The following MMP16 variants were observed in gnomAD, a reference collection of about 807,000 sequenced individuals.
MMP16 encodes matrix metalloproteinase-16.
MMP16 carries 12 observed loss-of-function variants against 67.8 expected under a neutral mutation model. The observed-to-expected ratio is 0.18, with a 90% CI of 0.11 to 0.29. MMP16 has a LOEUF of 0.29. Among genes scored for constraint, MMP16 ranks in the 10% least tolerant of loss-of-function variants. MMP16 has a pLI of 1.00. For synonymous variants in MMP16, 249 were observed against 255.9 expected, an observed-to-expected ratio of 0.97 and a Z score of 0.26; for missense variants, 475 against 765.7, an observed-to-expected ratio of 0.62 and a Z score of 4.48.
At chr8:88,276,839 CAA>C (rs1373451188) in intron 1 of MMP16, among the ~76,000 whole-genome samples, 1 of 151,968 alleles carries the variant, frequency 6.6e-6, no homozygotes, top group Admixed American at 6.6e-5. Context: ...GTGATTAGGT[CAA>C]GTTTCATTCT....
At chr8:88,156,476 A>T (rs182266319) in intron 4 of MMP16, among the ~76,000 whole-genome samples, 1 of 152,198 alleles carries the variant, frequency 6.6e-6, no homozygotes, top group Admixed American at 6.6e-5. Context: ...GGGTTCTGGC[A>T]ATTCTTGATT....
At chr8:88,225,985 T>C (rs1189444443) in intron 1 of MMP16, among the ~76,000 whole-genome samples, 1 of 151,958 alleles carries the variant, frequency 6.6e-6, no homozygotes, top group Non-Finnish European at 1.5e-5. Context: ...ATGTCCCCCA[T>C]TTTTATACAA....
At chr8:88,309,705 G>A (rs1811267164) in intron 1 of MMP16, among the ~76,000 whole-genome samples, 1 of 151,990 alleles carries the variant, frequency 6.6e-6, no homozygotes, top group African/African-American at 2.4e-5. Context: ...ATGTAATTCA[G>A]ATAGACAGCA....
intron 1 of MMP16, among the ~76,000 whole-genome samples, chr8:88,267,484 C>T (rs963692429): frequency 5.3e-5 from 8 of 152,204 alleles, no homozygotes; most frequent in Non-Finnish European, 1.0e-4. Flanking sequence ...TCACAGCAGA[C>T]TGTGAATTTC....
chr8:88,134,971 A>G (rs1009183587), intron 4 of MMP16, among the ~76,000 whole-genome samples: 1 of 151,598 alleles, frequency 6.6e-6, no homozygotes, highest in Non-Finnish European at 1.5e-5. Context: ...AAGCTTTTTC[A>G]TCATTAAAAA....
Position 88,112,666 on chromosome 8 carries a change from G to GGTGTGTGTGTGTGT in MMP16, c.1083+3827_1083+3840dup, listed in dbSNP as rs6150692. On this transcript the variant is annotated intron_variant, in intron 6 of 9. Transcript: ENST00000286614. The stretch of plus-strand genomic sequence containing the variant: ...AATTTTTCATGCATAAGGACAGAAG[G>GGTGTGTGTGTGTGT]GTGTGTGTGTGTGTGTGTCTGTGTG... Among the ~76,000 whole-genome samples, 1,071 of 146,900 alleles carry GGTGTGTGTGTGTGT rather than the reference G, an allele frequency of 7.3e-3. 19 individuals carry two copies. Among genetic ancestry groups the GGTGTGTGTGTGTGT allele is most frequent in the Middle Eastern group, 0.062 (18 of 292 alleles).
intron 4 of MMP16, among the ~76,000 whole-genome samples, chr8:88,134,750 T>C (rs1014723004): frequency 6.6e-6 from 1 of 151,692 alleles, no homozygotes; most frequent in Non-Finnish European, 1.5e-5. Context: ...TTATTTTTTT[T>C]CTACTACCTT....
intron 1 of MMP16, among the ~76,000 whole-genome samples, chr8:88,264,926 G>A (rs758381954): frequency 7.2e-5 from 11 of 152,182 alleles, no homozygotes; most frequent in Admixed American, 5.2e-4. Context: ...AGGACAAGAC[G>A]ACTAGTGTTT....
intron 4 of MMP16, among the ~76,000 whole-genome samples, chr8:88,143,579 G>A (rs1010848897): frequency 5.3e-5 from 8 of 151,998 alleles, no homozygotes; most frequent in Non-Finnish European, 1.2e-4. Flanking sequence ...TCAAGGAAAC[G>A]TGCTATATAT....
chr8:88,321,915 C>T (rs1341818355), intron 1 of MMP16, among the ~76,000 whole-genome samples: 1 of 152,160 alleles, frequency 6.6e-6, no homozygotes, highest in Non-Finnish European at 1.5e-5. Context: ...TGCTCAATTA[C>T]ACCACATTGC....
intron 1 of MMP16, among the ~76,000 whole-genome samples, chr8:88,250,119 T>C (rs1389329527): frequency 6.6e-6 from 1 of 152,096 alleles, no homozygotes; most frequent in Non-Finnish European, 1.5e-5. Context: ...CTTATCCCAT[T>C]TGTAAATTAT....
chr8:88,110,665 C>G (rs1291005491), intron 6 of MMP16, among the ~76,000 whole-genome samples: 3 of 151,440 alleles, frequency 2.0e-5, no homozygotes, highest in African/African-American at 7.3e-5. Flanking sequence ...GACTCTCTGC[C>G]AACAAAATAG....
intron 1 of MMP16, among the ~76,000 whole-genome samples, chr8:88,316,094 A>G (rs1045265699): frequency 7.9e-5 from 12 of 152,194 alleles, no homozygotes; most frequent in African/African-American, 2.9e-4. Context: ...AGGAAGCTGC[A>G]GAAGAAAAGT....
At chr8:88,261,249 A>G (rs1215936399) in intron 1 of MMP16, among the ~76,000 whole-genome samples, 1 of 152,118 alleles carries the variant, frequency 6.6e-6, no homozygotes, top group Non-Finnish European at 1.5e-5. Context: ...AGTGGGTTAG[A>G]TCTGTACTGA....
At chr8:88,148,493 G>C (rs948291612) in intron 4 of MMP16, among the ~76,000 whole-genome samples, 1 of 152,174 alleles carries the variant, frequency 6.6e-6, no homozygotes, top group Non-Finnish European at 1.5e-5. Flanking sequence ...GCAGGGAGCT[G>C]TGTATGTATG....
At chr8:88,240,994 A>C (rs2129900643) in intron 1 of MMP16, among the ~76,000 whole-genome samples, 1 of 151,800 alleles carries the variant, frequency 6.6e-6, no homozygotes, top group Non-Finnish European at 1.5e-5. Context: ...GTATATATTA[A>C]GCTATCATTT....
intron 4 of MMP16, among the ~76,000 whole-genome samples, chr8:88,139,684 T>G (rs2118498221): frequency 6.6e-6 from 1 of 152,248 alleles, no homozygotes; most frequent in South Asian, 2.1e-4. Context: ...CATTAATTAC[T>G]GAATAAATAT....
intron 1 of MMP16, among the ~76,000 whole-genome samples, chr8:88,286,856 C>A (rs1810841178): frequency 2.6e-5 from 4 of 152,120 alleles, no homozygotes; most frequent in Admixed American, 2.6e-4. Context: ...CAGGCATGAG[C>A]CACCACGCCC....
chr8:88,266,507 A>G (rs7015655), intron 1 of MMP16, among the ~76,000 whole-genome samples: 118,384 of 152,072 alleles, frequency 0.78, 46,749 homozygotes, highest in East Asian at 0.99. Context: ...TTGTAGCATA[A>G]TTAATTAAGA....
Sources: allele counts gnomAD v4.1 joint callset (sites outside exome capture counted in the v4.1 genomes callset), GRCh38; gene constraint gnomAD v4.1.1; transcripts MANE v1.5; gene names NCBI Gene and HGNC (gene_info 2026-07-23, HGNC 2026-07-21).